Variants in IKZF1 observed in about 807,000 individuals in gnomAD.
IKZF1 encodes the protein IKAROS family zinc finger 1, also known as DNA-binding protein Ikaros.
Under a neutral mutation model 51.7 loss-of-function variants are expected in IKZF1, and 10 were observed. The ratio of observed to expected loss-of-function variants is 0.19; its 90% CI spans 0.12 to 0.33. The LOEUF (loss-of-function observed/expected upper bound fraction) is 0.33. Ranked by LOEUF, IKZF1 falls within the 10% of genes least tolerant of loss-of-function variation. The pLI is 1.00. For missense variants in IKZF1, 484 were observed against 707.5 expected (o/e 0.68, Z 3.58); for synonymous variants, 280 against 282.3 (o/e 0.99, Z 0.08).
At chr7:50,384,703 G>A (rs1812867057) in intron 5 of IKZF1, among the ~76,000 whole-genome samples, 1 of 152,270 alleles carries the variant, frequency 6.6e-6, no homozygotes, top group Non-Finnish European at 1.5e-5. Flanking sequence ...GAACTGTGCA[G>A]TCTGTCTGCC....
chr7:50,364,203 A>G (rs1211431681), intron 3 of IKZF1, among the ~76,000 whole-genome samples: 2 of 152,202 alleles, frequency 1.3e-5, no homozygotes, highest in Non-Finnish European at 1.5e-5. Flanking sequence ...CAGAGTGACA[A>G]CGGCACAAGA....
chr7:50,306,071 C>A (rs763934513), intron 1 of IKZF1, among the ~76,000 whole-genome samples: 1 of 152,114 alleles, frequency 6.6e-6, no homozygotes, highest in African/African-American at 2.4e-5. Flanking sequence ...GAATTATTTC[C>A]GTGACAAATC....
intron 1 of IKZF1, chr7:50,318,482 C>T (rs552283128): frequency 9.2e-5 from 21 of 227,828 alleles, no homozygotes; most frequent in Admixed American, 5.7e-5. Flanking sequence ...ACAGGAGCGC[C>T]CGCATTGCCC....
chr7:50,319,730 A>T (rs917521943), intron 2 of IKZF1, among the ~76,000 whole-genome samples: 3 of 152,232 alleles, frequency 2.0e-5, no homozygotes, highest in African/African-American at 4.8e-5. Context: ...CTGGCCCTGT[A>T]TCCAGAGGCG....
Position 50,402,433 on chromosome 7 carries a change from C to G in IKZF1, c.*1806C>G. 4.3e-6 allele frequency: 1 copy of G among 231,344 alleles called. No homozygotes were observed. The highest frequency in any genetic ancestry group is 1.3e-3 in the Middle Eastern group (1 of 768). 14.3% of individuals were successfully genotyped at this position (231,344 alleles called of 1,614,324 possible). A position where few individuals can be genotyped will look rare whatever the true frequency, so the allele number is the denominator to read the frequency against. ...CTACCCAATAGACGCCAGTAGCACCCCGAATTGACAACCCAAACTCTCCAG... is the reference window on the plus strand; with the variant it reads ...CTACCCAATAGACGCCAGTAGCACCGCGAATTGACAACCCAAACTCTCCAG... On this transcript the variant is annotated 3_prime_UTR_variant, in exon 8 of 8. Coordinates refer to ENST00000331340, the MANE Select transcript of IKZF1 (RefSeq NM_006060.6).
chr7:50,318,376 T>G, intron 1 of IKZF1: 1 of 227,942 alleles, frequency 4.4e-6, no homozygotes, highest in Non-Finnish European at 8.7e-6. Context: ...GGCTGTCTCC[T>G]GGGCTCGTTT....
chr7:50,369,497 T>C (rs1478222473), intron 3 of IKZF1: 1 of 398,582 alleles, frequency 2.5e-6, no homozygotes, highest in Non-Finnish European at 4.4e-6. Flanking sequence ...TATTGGTGTC[T>C]CTCTTTCTCT....
intron 1 of IKZF1, among the ~76,000 whole-genome samples, chr7:50,308,249 T>G (rs1789284315): frequency 1.3e-5 from 2 of 152,232 alleles, no homozygotes; most frequent in Non-Finnish European, 2.9e-5. Flanking sequence ...GGTGTCTCCT[T>G]GGTGGTTACT....
chr7:50,371,260 A>G (rs894691215), intron 3 of IKZF1, among the ~76,000 whole-genome samples: 31 of 152,190 alleles, frequency 2.0e-4, no homozygotes, highest in African/African-American at 7.2e-4. Flanking sequence ...AGTAAGTGCC[A>G]GTCATTCCTT....
At chr7:50,382,456 C>T (rs954546632) in intron 4 of IKZF1, 84 bp from the exon 5 acceptor site, 169 of 1,474,404 alleles carry the variant, frequency 1.1e-4, no homozygotes, top group Non-Finnish European at 1.4e-4. Context: ...ACCAGGCCCC[C>T]GTGGGAAACA....
chr7:50,403,609 T>G lies in IKZF1; in HGVS notation c.*2982T>G, dbSNP rs1818504015. The G allele has an allele frequency of 4.4e-6, 1 of 228,562 alleles. No individual in the cohort carries two copies. The highest frequency in any genetic ancestry group is 5.7e-5 in the Admixed American group (1 of 17,616). 14.2% of individuals were successfully genotyped at this position (228,562 alleles called of 1,614,324 possible). On this transcript the variant is annotated 3_prime_UTR_variant, in exon 8 of 8. Transcript: ENST00000331340. Reference sequence around the variant, plus strand: ...AATTTGTACCTAAAGAGTGTGATTATCCTAATTCAAGAGTCACTAAAACTC... The same window carrying G: ...AATTTGTACCTAAAGAGTGTGATTAGCCTAATTCAAGAGTCACTAAAACTC...
At chr7:50,393,526 A>G (rs989159120) in intron 7 of IKZF1, among the ~76,000 whole-genome samples, 4 of 152,022 alleles carry the variant, frequency 2.6e-5, no homozygotes. Flanking sequence ...TTGATTAATT[A>G]GAGGTTTGTC....
At chr7:50,380,386 G>A (rs1811518399) in intron 4 of IKZF1, among the ~76,000 whole-genome samples, 2 of 152,246 alleles carry the variant, frequency 1.3e-5, no homozygotes. Context: ...TGTGTCTGTA[G>A]CAATCTGCCC....
At chr7:50,394,278 C>A in intron 7 of IKZF1, 1 of 233,078 alleles carries the variant, frequency 4.3e-6, no homozygotes, top group Non-Finnish European at 8.5e-6. Flanking sequence ...AAAATACCTA[C>A]CTTACCCCCG....
intron 3 of IKZF1, chr7:50,368,119 T>A (rs1048782308): frequency 1.8e-5 from 13 of 703,516 alleles, no homozygotes; most frequent in African/African-American, 1.4e-4. Flanking sequence ...TCTCCTATCA[T>A]GTAAATATCG....
chr7:50,373,466 G>T (rs140335478), intron 3 of IKZF1, among the ~76,000 whole-genome samples: 5 of 152,176 alleles, frequency 3.3e-5, no homozygotes, highest in African/African-American at 4.8e-5. Context: ...GTCAAGCCGC[G>T]TAGGGGAACA....
intron 4 of IKZF1, among the ~76,000 whole-genome samples, chr7:50,377,570 C>T (rs964571907): frequency 3.9e-5 from 6 of 152,242 alleles, no homozygotes; most frequent in East Asian, 1.9e-4. Context: ...CAGCTGGCCG[C>T]GCTCTGCCAC....
chr7:50,368,856 G>A (rs185818295), intron 3 of IKZF1: 27 of 221,176 alleles, frequency 1.2e-4, no homozygotes, highest in Admixed American at 1.7e-4. Context: ...AAAACAGGTC[G>A]CATTTGTTAA....
intron 2 of IKZF1, 74 bp from the exon 3 acceptor site, chr7:50,327,564 A>C (rs1795354131): frequency 1.3e-6 from 2 of 1,494,758 alleles, no homozygotes; most frequent in South Asian, 2.6e-5. Flanking sequence ...CCACCCTCTC[A>C]AGCCAAAAGC....
Sources: allele counts gnomAD v4.1 joint callset (sites outside exome capture counted in the v4.1 genomes callset), GRCh38; gene constraint gnomAD v4.1.1; transcripts MANE v1.5; gene names NCBI Gene and HGNC (gene_info 2026-07-23, HGNC 2026-07-21).